MYO3B: variants seen among roughly 807,000 people sequenced by gnomAD.
MYO3B encodes the protein myosin IIIB.
A neutral mutation model predicts 174.6 loss-of-function variants in MYO3B; 156 were observed. The ratio of observed to expected loss-of-function variants is 0.89; its 90% CI spans 0.78 to 1.02. The LOEUF is 1.02. MYO3B is among the 50% of genes least tolerant of loss of function. The pLI, the probability that MYO3B is intolerant of heterozygous loss-of-function variation, is 0.00. For missense variants in MYO3B, 1,632 were observed against 1,639.4 expected (o/e 1.00, Z 0.08); for synonymous variants, 563 against 569.1 (o/e 0.99, Z 0.15).
intron 32 of MYO3B, among the ~76,000 whole-genome samples, chr2:170,636,799 A>T (rs1256172885): frequency 1.3e-5 from 2 of 152,146 alleles, no homozygotes; most frequent in Non-Finnish European, 2.9e-5. Context: ...AACCAAGACA[A>T]CCAAGTCCCT....
At chr2:170,444,877 C>A (rs13403603) in intron 23 of MYO3B, among the ~76,000 whole-genome samples, 16,076 of 152,182 alleles carry the variant, frequency 0.11, 994 homozygotes, top group East Asian at 0.24. Context: ...CTATCTGGGC[C>A]TCTAGAAGGA....
In MYO3B at chr2:170,195,282, G is replaced by A. The variant is rs547543271; in HGVS notation, c.3-3926G>A. Among the ~76,000 whole-genome samples the A allele has an allele frequency of 7.9e-5, 12 of 151,974 alleles. No homozygotes were observed. The East Asian group carries it at 9.7e-4, about 12-fold the overall frequency. On this transcript the variant is annotated intron_variant, in intron 1 of 34. Transcript: ENST00000408978. ...AAGTTGGCTTTTGGCATGCCACACC[G>A]TCCTATCCTGTACCCATATAAACCT...
chr2:170,576,321 G>A (rs996117424), intron 32 of MYO3B, among the ~76,000 whole-genome samples: 5 of 152,206 alleles, frequency 3.3e-5, no homozygotes, highest in African/African-American at 9.6e-5. Flanking sequence ...TCTCTGAAGG[G>A]ATTGCTGAGG....
intron 9 of MYO3B, among the ~76,000 whole-genome samples, chr2:170,375,785 C>T (rs953076074): frequency 6.6e-6 from 1 of 151,780 alleles, no homozygotes; most frequent in Non-Finnish European, 1.5e-5. Flanking sequence ...TTATTGGGTT[C>T]TTATGTAAAT....
chr2:170,307,505 T>C (rs1217074357), intron 7 of MYO3B, among the ~76,000 whole-genome samples: 1 of 152,212 alleles, frequency 6.6e-6, no homozygotes, highest in African/African-American at 2.4e-5. Flanking sequence ...ATATCAGTGG[T>C]ACATGTGATC....
chr2:170,565,733 T>C (rs1219260963), intron 32 of MYO3B, among the ~76,000 whole-genome samples: 1 of 152,074 alleles, frequency 6.6e-6, no homozygotes. Flanking sequence ...CAAGTGAGAG[T>C]AGAGAAAGAG....
intron 32 of MYO3B, among the ~76,000 whole-genome samples, chr2:170,613,613 A>G (rs1207667836): frequency 6.6e-6 from 1 of 152,198 alleles, no homozygotes; most frequent in African/African-American, 2.4e-5. Context: ...GATACAAAGT[A>G]TTGATCCTGG....
chr2:170,621,558 G>A (rs1695920265), intron 32 of MYO3B, among the ~76,000 whole-genome samples: 1 of 148,818 alleles, frequency 6.7e-6, no homozygotes, highest in South Asian at 2.1e-4. Flanking sequence ...TGCCCAGGCT[G>A]GAGTGCAGTG....
In MYO3B at chr2:170,572,743, C is replaced by T. The variant is rs147083296; in HGVS notation, c.3733+28755C>T. Among the ~76,000 whole-genome samples the T allele has an allele frequency of 7.7e-3, 1,165 of 152,150 alleles. 13 individuals carry two copies. Among genetic ancestry groups the T allele is most frequent in the African/African-American group, 0.027 (1,107 of 41,512 alleles). On this transcript the variant is annotated intron_variant, in intron 32 of 34. Transcript: ENST00000408978. ...ATGGCAGATATTCCACTGGATAATC[C>T]TCTTTTTGAAATAATTTTAACAAAC...
chr2:170,601,305 C>T (rs1377500932), intron 32 of MYO3B, among the ~76,000 whole-genome samples: 1 of 152,118 alleles, frequency 6.6e-6, no homozygotes, highest in African/African-American at 2.4e-5. Flanking sequence ...AGATGAAAAA[C>T]TACCATCCCC....
chr2:170,407,828 C>G lies in MYO3B; in HGVS notation c.2634C>G (p.Ile878Met), dbSNP rs1172568518. 2 of 1,613,874 alleles carry G rather than the reference C, an allele frequency of 1.2e-6. No homozygotes were observed. Among genetic ancestry groups the G allele is most frequent in the African/African-American group, 2.7e-5 (2 of 74,920 alleles). ...ENKLLQQLFS[I>M]PLTKTGNLAQ... ...AGCTTCTTCAGCAGCTCTTCTCAAT[C>G]CCTCTGACCAAAACAGGTACTTGGG... Residue 878 changes from isoleucine to methionine, a missense_variant, in exon 22 of 35, where the codon ATC (isoleucine) becomes ATG (methionine). Transcript: ENST00000408978.
At chr2:170,540,480 A>C (rs1690017925) in intron 30 of MYO3B, among the ~76,000 whole-genome samples, 1 of 151,978 alleles carries the variant, frequency 6.6e-6, no homozygotes. Flanking sequence ...GGGTCTTGCT[A>C]TATTGCCCAA....
intron 28 of MYO3B, among the ~76,000 whole-genome samples, chr2:170,513,965 A>G (rs1406066150): frequency 6.6e-6 from 1 of 152,232 alleles, no homozygotes. Context: ...ATTTGGAAGC[A>G]CTGCTGCCGG....
chr2:170,427,345 G>A (rs1437082355), intron 22 of MYO3B, among the ~76,000 whole-genome samples: 4 of 152,178 alleles, frequency 2.6e-5, no homozygotes, highest in Admixed American at 1.3e-4. Flanking sequence ...TTTGAAATCA[G>A]TTAGTTTGGA....
At chr2:170,237,134 A>C (rs2093079178) in intron 7 of MYO3B, among the ~76,000 whole-genome samples, 2 of 152,218 alleles carry the variant, frequency 1.3e-5, no homozygotes, top group Admixed American at 6.5e-5. Context: ...TTCGAATCAC[A>C]AAAACAGGTC....
rs1243311375 is a variant in MYO3B, at chr2:170,214,785, C to G, written c.483C>G (p.Asn161Lys). The stretch of plus-strand genomic sequence containing the variant: ...TCCACCGTGATGTGAAGGGGAATAA[C>G]ATTCTTCTGACAACAGAAGGAGGAG... ...RIIHRDVKGN[N>K]ILLTTEGGVK... is the part of the protein sequence containing the mutation. Residue 161 changes from asparagine (N) to lysine (K), a missense_variant, in exon 5 of 35, where the codon AAC becomes AAG. Coordinates refer to ENST00000408978, the MANE Select transcript of MYO3B (RefSeq NM_138995.5). The G allele has an allele frequency of 6.2e-7, 1 of 1,614,022 alleles. No individual in the cohort carries two copies. Among genetic ancestry groups the G allele is most frequent in the Non-Finnish European group, 8.5e-7 (1 of 1,180,002 alleles).
chr2:170,487,035 A>G (rs939444954), intron 25 of MYO3B, among the ~76,000 whole-genome samples: 1 of 152,216 alleles, frequency 6.6e-6, no homozygotes, highest in African/African-American at 2.4e-5. Context: ...GTCCAGCCCC[A>G]GAGATTCTGA....
chr2:170,199,400 C>G lies in MYO3B; in HGVS notation c.186+9C>G, dbSNP rs757562994. ...TTCTGGATCCAGTCAGTGTAAGTAA[C>G]AGTTGTAAATTATAACCAGAATTTG... On this transcript the variant is annotated intron_variant, in intron 2 of 34. Coordinates refer to ENST00000408978, the MANE Select transcript of MYO3B (RefSeq NM_138995.5). The G allele has an allele frequency of 6.4e-5, 102 of 1,583,828 alleles. No homozygotes were observed. The highest frequency in any genetic ancestry group is 8.7e-5 in the Non-Finnish European group (101 of 1,165,622).
chr2:170,307,581 G>T (rs80091913), intron 7 of MYO3B, among the ~76,000 whole-genome samples: 1 of 152,192 alleles, frequency 6.6e-6, no homozygotes, highest in Admixed American at 6.5e-5. Context: ...TTGAAGTGTT[G>T]CAGGACAGGG....
Sources: allele counts gnomAD v4.1 joint callset (sites outside exome capture counted in the v4.1 genomes callset), GRCh38; gene constraint gnomAD v4.1.1; transcripts MANE v1.5; gene names NCBI Gene and HGNC (gene_info 2026-07-23, HGNC 2026-07-21).